The following INO80 variants were observed in gnomAD, a reference collection of about 807,000 sequenced individuals.
The protein encoded by INO80 is INO80 complex ATPase subunit, also known as chromatin-remodeling ATPase INO80.
In INO80, 20 loss-of-function variants were observed where a neutral mutation model predicts 203.4. The observed-to-expected ratio is 0.10, with a 90% CI of 0.07 to 0.14. INO80 has a LOEUF of 0.14. INO80 is among the 10% of genes least tolerant of loss of function. INO80 has a pLI of 1.00. For missense variants in INO80, 1,419 were observed against 1,914.4 expected (o/e 0.74, Z 4.83); for synonymous variants, 726 against 685.2 (o/e 1.06, Z -0.93).
In INO80 at chr15:41,061,542, G is replaced by A. The variant is rs371822622; in HGVS notation, c.1783-1616C>T. 4.0e-5 allele frequency among the ~76,000 whole-genome samples: 6 copies of A among 149,850 alleles called. No individual in the cohort carries two copies. In the East Asian group the frequency reaches 9.7e-4, roughly 24 times the overall value. ...GGAGGCTGAGGCAGGAAAATCGCTTGAACCCAGGAAGCAGAAGTTGCAGTG... is the reference window on the plus strand; with the variant it reads ...GGAGGCTGAGGCAGGAAAATCGCTTAAACCCAGGAAGCAGAAGTTGCAGTG... On this transcript the variant is annotated intron_variant, in intron 14 of 35. Coordinates refer to ENST00000648947, the MANE Select transcript of INO80 (RefSeq NM_017553.3).
intron 25 of INO80, among the ~76,000 whole-genome samples, chr15:41,022,061 T>A (rs1685664212): frequency 6.6e-6 from 1 of 152,238 alleles, no homozygotes; most frequent in South Asian, 2.1e-4. Flanking sequence ...AGGTTGAATA[T>A]CCCTAATCTG....
At chr15:41,048,580 G>T (rs1324552075) in intron 21 of INO80, among the ~76,000 whole-genome samples, 1 of 152,188 alleles carries the variant, frequency 6.6e-6, no homozygotes, top group African/African-American at 2.4e-5. Context: ...GCTCTGGCCT[G>T]TTCCTCCCAG....
intron 27 of INO80, among the ~76,000 whole-genome samples, chr15:41,007,590 CG>C (rs1566908372): frequency 6.6e-6 from 1 of 151,770 alleles, no homozygotes; most frequent in African/African-American, 2.4e-5. Context: ...AGCACAACCC[CG>C]GGGATATTAA....
In INO80 at chr15:40,996,487, A is replaced by AT. The variant is rs568586751; in HGVS notation, c.3570+1041dup. 9.9e-4 allele frequency among the ~76,000 whole-genome samples: 148 copies of AT among 149,702 alleles called. 1 individual carries two copies. The highest frequency in any genetic ancestry group is 7.4e-3 in the Admixed American group (111 of 15,096). On this transcript the variant is annotated intron_variant, in intron 29 of 35. Transcript: ENST00000648947. The stretch of plus-strand genomic sequence containing the variant: ...CAGGCATGTGTCACCACGCCCGGCT[A>AT]TTTTTTTTGTTTTTTTTTGGTAGAG...
chr15:41,074,361 A>G lies in INO80; in HGVS notation c.1327+9T>C. ...GTAGCCTTCCTCTAAGTCCTGACTG[A>G]GGACTCACCATAATCCTCCTGTGTG... is the stretch of plus-strand genomic sequence containing the variant. On this transcript the variant is annotated intron_variant, in intron 10 of 35. Transcript: ENST00000648947. The G allele has an allele frequency of 1.3e-6, 2 of 1,590,284 alleles. No homozygotes were observed. The highest frequency in any genetic ancestry group is 1.7e-6 in the Non-Finnish European group (2 of 1,166,374).
rs373276025 is a variant in INO80 at position 41,073,537 on chromosome 15, A to C, written c.1328-42T>G. ...ATGGATTATCACACTTTATCAACTG[A>C]TTTTGTTCTAAGATACAATTAACAC... On this transcript the variant is annotated intron_variant, in intron 10 of 35. Transcript: ENST00000648947. 45 of 1,480,274 alleles carry C rather than the reference A, an allele frequency of 3.0e-5. No homozygotes were observed. In the African/African-American group the frequency reaches 5.8e-4, roughly 19 times the overall value. 91.7% of individuals were successfully genotyped at this position (1,480,274 alleles called of 1,614,324 possible).
intron 19 of INO80, among the ~76,000 whole-genome samples, chr15:41,053,477 C>T (rs1187973229): frequency 1.3e-5 from 2 of 152,086 alleles, no homozygotes; most frequent in African/African-American, 2.4e-5. Flanking sequence ...TGACTAGATA[C>T]GTGATGCTAT....
Position 41,049,318 on chromosome 15 carries a change from G to T in INO80, c.2545C>A (p.Gln849Lys). ...CGTGAATGATTGAAGACCCTGATCT[G>T]TCCATGACGGTAGATAAACTTTGAA... ...HISKFIYRHG[Q>K]IRVFNHSRDR... The change falls in exon 21 of 36, where the codon CAG (glutamine) becomes AAG (lysine). Residue 849 changes from glutamine to lysine, a missense_variant. Coordinates refer to ENST00000648947, the MANE Select transcript of INO80 (RefSeq NM_017553.3). 6.2e-7 allele frequency: 1 copy of T among 1,613,732 alleles called. No homozygotes were observed. Among genetic ancestry groups the T allele is most frequent in the South Asian group, 1.1e-5 (1 of 91,076 alleles).
intron 7 of INO80, among the ~76,000 whole-genome samples, chr15:41,084,219 C>T (rs1299269810): frequency 6.7e-6 from 1 of 149,510 alleles, no homozygotes; most frequent in Non-Finnish European, 1.5e-5. Flanking sequence ...AAAAACGCTA[C>T]ATATGGCATC....
At chr15:41,110,595 C>T (rs1325095271) in intron 1 of INO80, among the ~76,000 whole-genome samples, 1 of 152,142 alleles carries the variant, frequency 6.6e-6, no homozygotes, top group Non-Finnish European at 1.5e-5. Flanking sequence ...TGCACCACCA[C>T]ACCCGGCTAA....
intron 31 of INO80, among the ~76,000 whole-genome samples, chr15:40,985,628 G>C (rs948767333): frequency 6.6e-6 from 1 of 152,086 alleles, no homozygotes; most frequent in Non-Finnish European, 1.5e-5. Context: ...ATTATGGGCT[G>C]GCTCGGTGTG....
rs74334949 is a variant in INO80 at position 41,106,621 on chromosome 15, C to T, written c.-44+9352G>A. Among the ~76,000 whole-genome samples the T allele has an allele frequency of 8.4e-3, 1,277 of 152,126 alleles. 17 individuals are homozygous for T. The highest frequency in any genetic ancestry group is 0.03 in the African/African-American group (1,235 of 41,498). On this transcript the variant is annotated intron_variant, in intron 1 of 35. Coordinates refer to ENST00000648947, the MANE Select transcript of INO80 (RefSeq NM_017553.3). Reference sequence around the variant, plus strand: ...CCAGCCTGGGTGACAGGGCAAGACCCCTGTCTCAACAAAAAAAAAGAAACC... The same window carrying T: ...CCAGCCTGGGTGACAGGGCAAGACCTCTGTCTCAACAAAAAAAAAGAAACC...
intron 26 of INO80, among the ~76,000 whole-genome samples, chr15:41,019,792 C>T (rs1469404580): frequency 6.6e-6 from 1 of 152,164 alleles, no homozygotes; most frequent in Non-Finnish European, 1.5e-5. Context: ...TGGGGCAAAC[C>T]CCTTGACACT....
At chr15:40,995,940 C>T (rs753596854) in intron 29 of INO80, among the ~76,000 whole-genome samples, 9 of 152,156 alleles carry the variant, frequency 5.9e-5, no homozygotes, top group Non-Finnish European at 1.2e-4. Flanking sequence ...GGCCCTCAGG[C>T]GCTGACGTCT....
At chr15:41,091,110 GAC>G (rs953827139) in intron 5 of INO80, among the ~76,000 whole-genome samples, 12 of 152,122 alleles carry the variant, frequency 7.9e-5, no homozygotes, top group South Asian at 2.1e-4. Flanking sequence ...TTTTAGTAGA[GAC>G]ACAGTTTCCT....
At position 41,070,567 on chromosome 15, in the gene INO80, G is replaced by A. The variant is rs762203038; in HGVS notation, c.1606-20C>T. ...AATACCCTGGGGAAAAAAAATACAT[G>A]GTCAACACCTCATGCATTTCATCAA... On this transcript the variant is annotated intron_variant, in intron 12 of 35. Transcript: ENST00000648947. 10 of 1,572,868 alleles carry A rather than the reference G, an allele frequency of 6.4e-6. 1 individual carries two copies. The South Asian group carries it at 7.8e-5, about 12-fold the overall frequency.
intron 28 of INO80, chr15:40,999,241 TACTG>T (rs1223223876): frequency 6.6e-6 from 1 of 152,188 alleles, no homozygotes; most frequent in East Asian, 1.9e-4. Flanking sequence ...GAAACAAACA[TACTG>T]ACATCAGGAT....
At chr15:40,996,783 A>G (rs1030470374) in intron 29 of INO80, among the ~76,000 whole-genome samples, 1 of 152,262 alleles carries the variant, frequency 6.6e-6, no homozygotes, top group African/African-American at 2.4e-5. Context: ...AGGATACAAA[A>G]AATGGGTTTT....
chr15:41,023,795 G>GA (rs1296236257), intron 25 of INO80, among the ~76,000 whole-genome samples: 2 of 115,328 alleles, frequency 1.7e-5, no homozygotes, highest in Admixed American at 8.7e-5. Context: ...AAAACAAAAC[G>GA]AAAAAAAGAA....
Sources: gnomAD v4.1 joint callset for allele counts (sites outside exome capture counted in the v4.1 genomes callset) on GRCh38, gnomAD v4.1.1 for gene constraint, MANE v1.5 for transcripts, NCBI Gene and HGNC (gene_info 2026-07-23, HGNC 2026-07-21) for gene names.